Variants in VSNL1 observed in about 807,000 individuals in gnomAD.
The protein encoded by VSNL1 is visinin-like protein 1.
Under a neutral mutation model 20.4 loss-of-function variants are expected in VSNL1, and 6 were observed. The observed-to-expected ratio is 0.29, with a 90% CI of 0.16 to 0.58. The LOEUF is 0.58. Ranked by LOEUF, VSNL1 falls within the 20% of genes least tolerant of loss-of-function variation. The pLI, the probability that VSNL1 is intolerant of heterozygous loss-of-function variation, is 0.90. For synonymous variants in VSNL1, 93 were observed against 86.4 expected (o/e 1.08, Z -0.42); for missense variants, 100 against 234.5 (o/e 0.43, Z 3.75).
intron 2 of VSNL1, among the ~76,000 whole-genome samples, chr2:17,648,970 C>A (rs1004198183): frequency 1.3e-5 from 2 of 152,190 alleles, no homozygotes; most frequent in African/African-American, 4.8e-5. Flanking sequence ...CAGGTCTGGG[C>A]ACCCTCCCTC....
chr2:17,620,037 C>A (rs559689043), intron 2 of VSNL1, among the ~76,000 whole-genome samples: 3 of 152,222 alleles, frequency 2.0e-5, no homozygotes, highest in African/African-American at 4.8e-5. Context: ...AGTGCTAGAG[C>A]ATCTGTAAGA....
chr2:17,579,154 C>T (rs1056341608), intron 1 of VSNL1, among the ~76,000 whole-genome samples: 1 of 151,448 alleles, frequency 6.6e-6, no homozygotes, highest in African/African-American at 2.4e-5. Flanking sequence ...CTCGCTCTGT[C>T]GCCCAAGCTG....
chr2:17,586,086 G>A (rs916356085), intron 1 of VSNL1, among the ~76,000 whole-genome samples: 1 of 152,136 alleles, frequency 6.6e-6, no homozygotes, highest in African/African-American at 2.4e-5. Flanking sequence ...TGGGATTACA[G>A]GCATAAGCCA....
intron 2 of VSNL1, among the ~76,000 whole-genome samples, chr2:17,610,788 C>A (rs1055106435): frequency 2.0e-5 from 3 of 152,180 alleles, no homozygotes; most frequent in African/African-American, 7.2e-5. Flanking sequence ...TCTCCATCTC[C>A]AGGGAACCTT....
In VSNL1 at chr2:17,655,402, T is replaced by A; in HGVS notation, c.*8T>A. 1 of 1,610,402 alleles carries A rather than the reference T, an allele frequency of 6.2e-7. No individual in the cohort carries two copies. Among genetic ancestry groups the A allele is most frequent in the Non-Finnish European group, 8.5e-7 (1 of 1,179,570 alleles). On this transcript the variant is annotated 3_prime_UTR_variant, in exon 4 of 4. Coordinates refer to ENST00000295156, the MANE Select transcript of VSNL1 (RefSeq NM_003385.5). This position sits in a 1 kb window ranked among gnomAD's most constrained non-coding sequence, Gnocchi z 5.2. ...TGCGACATCCAGAAATGAGCTGATG[T>A]CAATGCTATGGACTGCACAAAAGTC...
At chr2:17,585,301 G>T (rs1212984741) in intron 1 of VSNL1, among the ~76,000 whole-genome samples, 1 of 152,018 alleles carries the variant, frequency 6.6e-6, no homozygotes, top group Non-Finnish European at 1.5e-5. Flanking sequence ...ATGCTGCTGG[G>T]GGCTTGTGAG....
At chr2:17,598,116 G>GA (rs780426826) in intron 2 of VSNL1, among the ~76,000 whole-genome samples, 23 of 152,286 alleles carry the variant, frequency 1.5e-4, no homozygotes, top group South Asian at 8.3e-4. Flanking sequence ...TAGATATTAT[G>GA]AAAACATTCT....
In VSNL1 at chr2:17,592,381, T is replaced by C. The variant is rs1007264470; in HGVS notation, c.162+145T>C. 1.6e-5 allele frequency: 14 copies of C among 876,876 alleles called. No individual in the cohort carries two copies. In the Admixed American group the frequency reaches 2.4e-4, roughly 15 times the overall value. The allele number at this position is 876,876 out of a possible 1,614,324, so 54.3% of individuals were successfully genotyped here. ...TTCCATCCAGAAAGAAAAATTAACA[T>C]TTAAAAATGCAAATGTATATATGTT... On this transcript the variant is annotated intron_variant, in intron 2 of 3. Coordinates refer to ENST00000295156, the MANE Select transcript of VSNL1 (RefSeq NM_003385.5).
Position 17,656,613 on chromosome 2 carries a change from C to CT in VSNL1, c.*1220dup, listed in dbSNP as rs1171846141. 6.6e-6 allele frequency: 1 copy of CT among 152,026 alleles called. No individual in the cohort carries two copies. Among genetic ancestry groups the CT allele is most frequent in the Non-Finnish European group, 1.5e-5 (1 of 68,028 alleles). The allele number at this position is 152,026 out of a possible 1,614,324, so 9.4% of individuals were successfully genotyped here. ...CTATTTTTAATAACAGAACAGAACT[C>CT]TGACTCTTTTGATCTTGAAGGAGGC... On this transcript the variant is annotated 3_prime_UTR_variant, in exon 4 of 4. Transcript: ENST00000295156.
intron 2 of VSNL1, among the ~76,000 whole-genome samples, chr2:17,618,410 G>T (rs1334544464): frequency 6.6e-6 from 1 of 152,164 alleles, no homozygotes; most frequent in African/African-American, 2.4e-5. Flanking sequence ...TGCCTGCTTT[G>T]CTTACACTGT....
intron 1 of VSNL1, among the ~76,000 whole-genome samples, chr2:17,564,386 T>G (rs141052602): frequency 9.8e-5 from 15 of 152,358 alleles, no homozygotes; most frequent in African/African-American, 3.6e-4. Context: ...TATCATTAAA[T>G]GTACCTTTAT....
At chr2:17,608,462 G>T (rs1461474370) in intron 2 of VSNL1, among the ~76,000 whole-genome samples, 1 of 152,218 alleles carries the variant, frequency 6.6e-6, no homozygotes, top group Non-Finnish European at 1.5e-5. Flanking sequence ...GACACAGCTG[G>T]GTTGCCAGGG....
At chr2:17,594,721 G>A (rs764725275) in intron 2 of VSNL1, among the ~76,000 whole-genome samples, 4 of 152,090 alleles carry the variant, frequency 2.6e-5, no homozygotes, top group East Asian at 1.9e-4. Flanking sequence ...TACCAGACCC[G>A]TTTCCCTTTC....
chr2:17,552,179 G>A (rs565769576), intron 1 of VSNL1, among the ~76,000 whole-genome samples: 135 of 132,522 alleles, frequency 1.0e-3, no homozygotes, highest in African/African-American at 3.5e-3. Context: ...CAGCCTGGGC[G>A]ACAGAGCGAG....
At chr2:17,620,695 A>G (rs1413136422) in intron 2 of VSNL1, among the ~76,000 whole-genome samples, 1 of 152,210 alleles carries the variant, frequency 6.6e-6, no homozygotes, top group Admixed American at 6.5e-5. Context: ...TTCCACACCC[A>G]CTATTGTCTT....
intron 1 of VSNL1, among the ~76,000 whole-genome samples, chr2:17,579,986 T>TC (rs1664313206): frequency 2.0e-5 from 3 of 152,180 alleles, no homozygotes; most frequent in African/African-American, 7.2e-5. Flanking sequence ...GGAGACACAG[T>TC]GCTGGGAGTC....
chr2:17,569,300 C>T (rs1242539178), intron 1 of VSNL1, among the ~76,000 whole-genome samples: 1 of 148,774 alleles, frequency 6.7e-6, no homozygotes, highest in Non-Finnish European at 1.5e-5. Context: ...GAGCGAGACC[C>T]TGTCTCAAAA....
intron 2 of VSNL1, among the ~76,000 whole-genome samples, chr2:17,607,646 T>C (rs1664977370): frequency 6.6e-6 from 1 of 152,230 alleles, no homozygotes; most frequent in Admixed American, 6.5e-5. Flanking sequence ...CCCTTGACAT[T>C]GTGGCTATTT....
intron 2 of VSNL1, among the ~76,000 whole-genome samples, chr2:17,622,227 A>AT (rs1219967527): frequency 3.2e-4 from 48 of 151,000 alleles, no homozygotes; most frequent in Non-Finnish European, 5.9e-4. Flanking sequence ...AAAAAAAAAA[A>AT]ATCAGGCTGG....
Sources: allele counts gnomAD v4.1 joint callset (sites outside exome capture counted in the v4.1 genomes callset), GRCh38; gene constraint gnomAD v4.1.1; non-coding constraint Gnocchi (gnomAD v3.1); transcripts MANE v1.5; gene names NCBI Gene and HGNC (gene_info 2026-07-23, HGNC 2026-07-21).